PCF11: variants seen among roughly 807,000 people sequenced by gnomAD.
The protein encoded by PCF11 is PCF11 cleavage and polyadenylation factor subunit, also known as pre-mRNA cleavage complex 2 protein Pcf11.
In PCF11, 19 loss-of-function variants were observed where a neutral mutation model predicts 166.1. The observed-to-expected ratio is 0.11, with a 90% CI of 0.08 to 0.17. The LOEUF is 0.17. PCF11 is among the 10% of genes least tolerant of loss of function. PCF11 has a pLI of 1.00. For synonymous variants in PCF11, 663 were observed against 644.1 expected (o/e 1.03, Z -0.44); for missense variants, 1,565 against 1,855.5 (o/e 0.84, Z 2.88).
chr11:83,174,464 C>G (rs1438633279), intron 9 of PCF11, among the ~76,000 whole-genome samples: 1 of 151,646 alleles, frequency 6.6e-6, no homozygotes, highest in Non-Finnish European at 1.5e-5. Flanking sequence ...AGCAATCCTC[C>G]CACCTCGGCC....
At chr11:83,185,366 A>T (rs981004344) in exon 16 of PCF11, 2 of 153,294 alleles carry the variant, frequency 1.3e-5, no homozygotes, top group African/African-American at 4.8e-5. Flanking sequence ...GGGGGTTCCG[A>T]GAGAGCACCG....
intron 15 of PCF11, 47 bp from the exon 16 acceptor site, chr11:83,184,632 A>G: frequency 7.8e-7 from 1 of 1,279,702 alleles, no homozygotes; most frequent in Non-Finnish European, 1.1e-6. Flanking sequence ...ATTTAATGTG[A>G]GAATTTTGAA....
In PCF11 at chr11:83,167,716, T is replaced by C; in HGVS notation, c.2092+211T>C. The C allele has an allele frequency of 6.7e-7, 1 of 1,493,104 alleles. No individual in the cohort carries two copies. Among genetic ancestry groups the C allele is most frequent in the South Asian group, 1.2e-5 (1 of 82,854 alleles). 92.5% of individuals were successfully genotyped at this position (1,493,104 alleles called of 1,614,324 possible). On this transcript the variant is annotated intron_variant, in intron 7 of 15. Transcript: ENST00000298281. This position sits in a 1 kb window ranked among gnomAD's most constrained non-coding sequence, Gnocchi z 4.2. ...TTGACTGATGCCTTGTTGTCTGGAA[T>C]AGAATGTGAGCCATCCAAAAGTAAA...
At chr11:83,182,083 C>T in intron 13 of PCF11, 74 bp downstream of exon 13, 9 of 1,144,750 alleles carry the variant, frequency 7.9e-6, no homozygotes, top group Non-Finnish European at 1.1e-5. Context: ...CTCATAAACA[C>T]ATCACTATAT....
intron 1 of PCF11, among the ~76,000 whole-genome samples, chr11:83,159,559 G>T (rs984514570): frequency 2.6e-5 from 4 of 152,174 alleles, no homozygotes; most frequent in Non-Finnish European, 4.4e-5. Flanking sequence ...ACACAGTGAT[G>T]AAAATAGATG....
At chr11:83,181,833 T>TA (rs757905592) in intron 12 of PCF11, 21 bp from the exon 13 acceptor site, 6 of 1,549,038 alleles carry the variant, frequency 3.9e-6, no homozygotes, top group Admixed American at 2.1e-5. Flanking sequence ...AATAATCTTT[T>TA]AAAAATCAAC....
chr11:83,160,641 A>G (rs1243754712), intron 1 of PCF11, among the ~76,000 whole-genome samples: 1 of 152,108 alleles, frequency 6.6e-6, no homozygotes, highest in Non-Finnish European at 1.5e-5. Context: ...GCTGTGAAGA[A>G]AATCTTCAGG....
chr11:83,167,893 C>G lies in PCF11; in HGVS notation c.2092+388C>G. Reference sequence around the variant, plus strand: ...AGAAGACATGACGAGCAAGTCTCTGCTAAAGGTAGAAAAAGTTAAATCAGA... The same window carrying G: ...AGAAGACATGACGAGCAAGTCTCTGGTAAAGGTAGAAAAAGTTAAATCAGA... On this transcript the variant is annotated intron_variant, in intron 7 of 15. Transcript: ENST00000298281. This position sits in a 1 kb window ranked among gnomAD's most constrained non-coding sequence, Gnocchi z 4.2. The G allele has an allele frequency of 7.7e-7, 1 of 1,300,558 alleles. No homozygotes were observed. The highest frequency in any genetic ancestry group is 1.0e-6 in the Non-Finnish European group (1 of 997,140). The allele number at this position is 1,300,558 out of a possible 1,614,324, so 80.6% of individuals were successfully genotyped here.
At chr11:83,164,855 C>G (rs1860390775) in intron 4 of PCF11, among the ~76,000 whole-genome samples, 1 of 152,082 alleles carries the variant, frequency 6.6e-6, no homozygotes, top group African/African-American at 2.4e-5. Context: ...AGATCAAGAC[C>G]CTGTCTCAAG....
intron 12 of PCF11, 146 bp downstream of exon 12, chr11:83,181,337 TCCTGAATAAAATTTGACC>T: frequency 1.1e-5 from 3 of 270,322 alleles, no homozygotes; most frequent in Non-Finnish European, 1.3e-5. Flanking sequence ...CATTGAAATT[TCCTGAATAAAATTTGACC>T]CCTAGAATAT....
chr11:83,187,336 G>A (rs556698772), exon 16 of PCF11: 2 of 152,326 alleles, frequency 1.3e-5, no homozygotes, highest in Admixed American at 1.3e-4. Flanking sequence ...GGGATTACAG[G>A]TGTGCGCAGG....
At chr11:83,161,501 C>A in intron 2 of PCF11, 49 bp downstream of exon 2, 1 of 1,357,758 alleles carries the variant, frequency 7.4e-7, no homozygotes, top group Non-Finnish European at 9.9e-7. Context: ...AAAATGTGTT[C>A]CTGATTAAAT....
At chr11:83,169,914 A>T in exon 8 of PCF11, 1 of 1,610,610 alleles carries the variant, frequency 6.2e-7, no homozygotes, top group East Asian at 2.2e-5. Context: ...TTGATGAAAA[A>T]AATCTTCAGA....
At position 83,170,335 on chromosome 11, in the gene PCF11, G is replaced by A. The variant is rs368132449; in HGVS notation, c.3660+340G>A. Among the ~76,000 whole-genome samples the A allele has an allele frequency of 5.3e-5, 8 of 152,040 alleles. No individual in the cohort carries two copies. The East Asian group carries it at 9.6e-4, about 18-fold the overall frequency. On this transcript the variant is annotated intron_variant, in intron 8 of 15. Transcript: ENST00000298281. ...GACCTCTACATTGCAGAACTGTTGA[G>A]CCCTGACGTGCTTTAAGGTAGCCAT...
chr11:83,163,928 G>A (rs10898088), intron 3 of PCF11, 61 bp downstream of exon 3: 267,543 of 753,732 alleles, frequency 0.35, 53,264 homozygotes, highest in African/African-American at 0.69. Flanking sequence ...GAATTCTTCT[G>A]CAGAACTTAC....
At chr11:83,181,795 TAC>T (rs138976866) in intron 12 of PCF11, 57 bp from the exon 13 acceptor site, 104,052 of 1,246,072 alleles carry the variant, frequency 0.084, 4,865 homozygotes, top group African/African-American at 0.15. Flanking sequence ...ATATTGAAGA[TAC>T]ACAGTAAAAA....
At chr11:83,170,568 T>A (rs1860653199) in intron 8 of PCF11, among the ~76,000 whole-genome samples, 1 of 152,212 alleles carries the variant, frequency 6.6e-6, no homozygotes, top group African/African-American at 2.4e-5. Flanking sequence ...TACACTCTGG[T>A]TACGAAACAT....
At chr11:83,159,199 C>CTT (rs200191207) in intron 1 of PCF11, among the ~76,000 whole-genome samples, 1 of 148,512 alleles carries the variant, frequency 6.7e-6, no homozygotes, top group Admixed American at 6.7e-5. Flanking sequence ...TGTAAAACAG[C>CTT]TTTTTTTTTT....
exon 16 of PCF11, chr11:83,187,049 T>G (rs867109602): frequency 1.3e-5 from 2 of 152,360 alleles, no homozygotes; most frequent in Admixed American, 1.3e-4. Context: ...TTTTCTTTTT[T>G]TGAGACAGTC....
Sources: allele counts gnomAD v4.1 joint callset (sites outside exome capture counted in the v4.1 genomes callset), GRCh38; gene constraint gnomAD v4.1.1; non-coding constraint Gnocchi (gnomAD v3.1); transcripts MANE v1.5; gene names NCBI Gene and HGNC (gene_info 2026-07-23, HGNC 2026-07-21).